DGCR2: variants seen among roughly 807,000 people sequenced by gnomAD.
The protein encoded by DGCR2 is integral membrane protein DGCR2/IDD.
In DGCR2, 24 loss-of-function variants were observed where a neutral mutation model predicts 51.6. That is an observed-to-expected ratio of 0.47 (90% CI 0.34 to 0.65). The LOEUF is 0.65. Ranked by LOEUF, DGCR2 falls within the 30% of genes least tolerant of loss-of-function variation. The pLI, the probability that DGCR2 is intolerant of heterozygous loss-of-function variation, is 0.01. For synonymous variants in DGCR2, 340 were observed against 315.4 expected, an observed-to-expected ratio of 1.08 and a Z score of -0.82; for missense variants, 765 against 772.1, an observed-to-expected ratio of 0.99 and a Z score of 0.11.
chr22:19,084,714 TG>T (rs1388342377), intron 2 of DGCR2, among the ~76,000 whole-genome samples: 2 of 79,800 alleles, frequency 2.5e-5, no homozygotes, highest in South Asian at 5.3e-4. Flanking sequence ...GGGAGGGAGG[TG>T]GGGGGTCAGC....
chr22:19,112,137 G>T (rs2083322427), intron 1 of DGCR2, among the ~76,000 whole-genome samples: 1 of 151,918 alleles, frequency 6.6e-6, no homozygotes, highest in Admixed American at 6.6e-5. Context: ...TCTGGGCGTG[G>T]TGGCACGCAC....
chr22:19,090,375 C>T (rs528933754), intron 1 of DGCR2, among the ~76,000 whole-genome samples: 110 of 152,252 alleles, frequency 7.2e-4, no homozygotes, highest in African/African-American at 2.6e-3. Context: ...AATTCCAAGT[C>T]ACATTGGAAT....
intron 5 of DGCR2, 73 bp downstream of exon 5, chr22:19,063,129 G>A: frequency 1.4e-6 from 2 of 1,411,794 alleles, no homozygotes; most frequent in Non-Finnish European, 2.0e-6. Context: ...CTGGGTAAGA[G>A]GGAGGAGGGG....
intron 7 of DGCR2, chr22:19,046,711 A>C: frequency 2.3e-6 from 1 of 427,754 alleles, no homozygotes; most frequent in Admixed American, 2.4e-5. Context: ...AGCCCATGGA[A>C]GCATGGCCAC....
rs781279973 is a variant in DGCR2 at position 19,041,999 on chromosome 22, G to A, written c.1007-40C>T. 5 of 1,595,376 alleles carry A rather than the reference G, an allele frequency of 3.1e-6. No individual in the cohort carries two copies. In the South Asian group the frequency reaches 4.5e-5, roughly 14 times the overall value. The stretch of plus-strand genomic sequence containing the variant: ...AGGAAATGGCCGCTCTGAGAAGGGG[G>A]CCACCCTCGTGCTACGCTGGGGATG... On this transcript the variant is annotated intron_variant, in intron 7 of 9. Coordinates refer to ENST00000263196, the MANE Select transcript of DGCR2 (RefSeq NM_005137.3).
intron 7 of DGCR2, chr22:19,046,698 A>G (rs1175227141): frequency 4.8e-6 from 2 of 417,354 alleles, no homozygotes; most frequent in African/African-American, 2.1e-5. Context: ...TAGGAGAGTC[A>G]GGAGCCCATG....
intron 1 of DGCR2, among the ~76,000 whole-genome samples, chr22:19,102,494 C>T (rs138886639): frequency 0.014 from 2,179 of 151,784 alleles, 22 homozygotes; most frequent in African/African-American, 0.017. Context: ...TGAGGTCAGG[C>T]GATCAAGACC....
At chr22:19,084,826 C>T (rs1485701137) in intron 2 of DGCR2, among the ~76,000 whole-genome samples, 5 of 151,002 alleles carry the variant, frequency 3.3e-5, no homozygotes, top group East Asian at 4.0e-4. Flanking sequence ...CGCCTCCGCC[C>T]GGCCAGCCGC....
Position 19,063,166 on chromosome 22 carries a change from C to G in DGCR2, c.625+36G>C, listed in dbSNP as rs746569537. ...GGCCCCGAATCAGGGTGACTCTGCC[C>G]AGCTTCAAACACTCCCACACACCAG... On this transcript the variant is annotated intron_variant, in intron 5 of 9. Transcript: ENST00000263196. The G allele has an allele frequency of 5.0e-6, 8 of 1,602,056 alleles. No individual in the cohort carries two copies. The South Asian group carries it at 8.8e-5, about 18-fold the overall frequency.
chr22:19,077,495 G>C (rs1190013453), intron 2 of DGCR2, among the ~76,000 whole-genome samples: 1 of 152,140 alleles, frequency 6.6e-6, no homozygotes, highest in Admixed American at 6.5e-5. Flanking sequence ...TTTGACCACT[G>C]TATGCAAGGA....
rs191993352 is a variant in DGCR2, at chr22:19,107,263, C to T, written c.79+14865G>A. Among the ~76,000 whole-genome samples the T allele has an allele frequency of 3.9e-5, 6 of 152,280 alleles. No individual in the cohort carries two copies. The East Asian group carries it at 1.2e-3, about 29-fold the overall frequency. ...GACTCCCCATCACCACCACTGGAGA[C>T]AGGTGGCCAGCTCTCCTGCAACAGT... On this transcript the variant is annotated intron_variant, in intron 1 of 9. Coordinates refer to ENST00000263196, the MANE Select transcript of DGCR2 (RefSeq NM_005137.3).
At chr22:19,090,482 T>C (rs2083066319) in intron 1 of DGCR2, among the ~76,000 whole-genome samples, 2 of 152,184 alleles carry the variant, frequency 1.3e-5, no homozygotes, top group African/African-American at 4.8e-5. Context: ...GATTTCTCAT[T>C]AGAAACGATA....
At chr22:19,074,977 G>A (rs2082858812) in intron 2 of DGCR2, among the ~76,000 whole-genome samples, 1 of 152,202 alleles carries the variant, frequency 6.6e-6, no homozygotes, top group Non-Finnish European at 1.5e-5. Context: ...TATTGTGCCA[G>A]TCCCTTCCAA....
At chr22:19,093,737 C>G (rs528839326) in intron 1 of DGCR2, among the ~76,000 whole-genome samples, 1 of 152,184 alleles carries the variant, frequency 6.6e-6, no homozygotes, top group Non-Finnish European at 1.5e-5. Flanking sequence ...TGGCTTATAC[C>G]TGTAATCCCA....
intron 2 of DGCR2, among the ~76,000 whole-genome samples, chr22:19,072,766 C>T (rs547315457): frequency 2.6e-5 from 4 of 152,132 alleles, no homozygotes; most frequent in East Asian, 1.9e-4. Flanking sequence ...CCCAACTACT[C>T]GGGAGGCTGA....
At chr22:19,062,033 A>G (rs1336641412) in intron 5 of DGCR2, among the ~76,000 whole-genome samples, 3 of 152,152 alleles carry the variant, frequency 2.0e-5, no homozygotes, top group Non-Finnish European at 4.4e-5. Context: ...CTGTCATCCC[A>G]CTCAGAATCA....
At chr22:19,063,671 A>T (rs1028113990) in intron 4 of DGCR2, among the ~76,000 whole-genome samples, 18 of 152,012 alleles carry the variant, frequency 1.2e-4, no homozygotes, top group African/African-American at 4.4e-4. Context: ...TTCTAACATG[A>T]GACACTCATG....
chr22:19,062,776 C>CTTTT (rs1555903878), intron 5 of DGCR2, among the ~76,000 whole-genome samples: 1 of 123,198 alleles, frequency 8.1e-6, no homozygotes, highest in Non-Finnish European at 1.7e-5. Context: ...CACATGCATG[C>CTTTT]TCACTCTCTC....
intron 1 of DGCR2, among the ~76,000 whole-genome samples, chr22:19,102,123 A>G (rs2083208871): frequency 6.6e-6 from 1 of 152,240 alleles, no homozygotes; most frequent in Non-Finnish European, 1.5e-5. Context: ...ATGCTACAAC[A>G]TGAATGAACC....
Sources: allele counts gnomAD v4.1 joint callset (sites outside exome capture counted in the v4.1 genomes callset), GRCh38; gene constraint gnomAD v4.1.1; transcripts MANE v1.5; gene names NCBI Gene and HGNC (gene_info 2026-07-23, HGNC 2026-07-21).